Variants in KRIT1 observed in about 807,000 individuals in gnomAD.
KRIT1 encodes the protein krev interaction trapped protein 1.
Under a neutral mutation model 95.8 loss-of-function variants are expected in KRIT1, and 45 were observed. That is an observed-to-expected ratio of 0.47 (90% CI 0.37 to 0.60). KRIT1 has a LOEUF of 0.60. Ranked by LOEUF, KRIT1 falls within the 20% of genes least tolerant of loss-of-function variation. The pLI is 0.00. For synonymous variants in KRIT1, 282 were observed against 278.8 expected (o/e 1.01, Z -0.11); for missense variants, 788 against 877.5 (o/e 0.90, Z 1.29).
Position 92,213,661 on chromosome 7 carries a change from T to A in KRIT1, c.1818+231A>T, listed in dbSNP as rs1314432604. Reference sequence around the variant, plus strand: ...GATAGTATATTATTTCAAATTTTTATCTTTAGTCCTTACCACAGTATTTGG... The same window carrying A: ...GATAGTATATTATTTCAAATTTTTAACTTTAGTCCTTACCACAGTATTTGG... On this transcript the variant is annotated intron_variant, in intron 16 of 18. Transcript: ENST00000394505. Among the ~76,000 whole-genome samples, 15 of 152,260 alleles carry A rather than the reference T, an allele frequency of 9.9e-5. No individual in the cohort carries two copies. The South Asian group carries it at 3.1e-3, about 32-fold the overall frequency.
intron 1 of KRIT1, chr7:92,245,433 C>G (rs1192552515): frequency 6.6e-6 from 1 of 151,640 alleles, no homozygotes; most frequent in Non-Finnish European, 1.5e-5. Flanking sequence ...TTGCCTGGGG[C>G]AACTAGATGT....
chr7:92,242,179 A>G, intron 3 of KRIT1, 42 bp from the exon 4 acceptor site: 1 of 1,113,914 alleles, frequency 9.0e-7, no homozygotes, highest in Non-Finnish European at 1.4e-6. Context: ...AGATTAAATG[A>G]CACATTTGAT....
intron 10 of KRIT1, among the ~76,000 whole-genome samples, chr7:92,231,344 G>T (rs536478632): frequency 6.6e-6 from 1 of 152,052 alleles, no homozygotes; most frequent in East Asian, 1.9e-4. Flanking sequence ...TATAGGTATT[G>T]TTATTTTTAA....
intron 10 of KRIT1, among the ~76,000 whole-genome samples, chr7:92,232,695 T>C (rs1293928223): frequency 6.6e-6 from 1 of 152,116 alleles, no homozygotes; most frequent in Non-Finnish European, 1.5e-5. Flanking sequence ...ATGTGATTTC[T>C]TTTTTTCCTT....
chr7:92,216,376 T>TG (rs1488558880), intron 14 of KRIT1, among the ~76,000 whole-genome samples: 2 of 150,698 alleles, frequency 1.3e-5, no homozygotes, highest in East Asian at 3.9e-4. Context: ...AAAAATTTCA[T>TG]GGGGAAAAAA....
chr7:92,226,470 A>G (rs761481018), intron 11 of KRIT1, 56 bp downstream of exon 11: 1 of 1,280,982 alleles, frequency 7.8e-7, no homozygotes, highest in Non-Finnish European at 1.1e-6. Flanking sequence ...TTTTAGTGTC[A>G]TTACTTGTTA....
At chr7:92,239,763 T>G (rs1799220837) in intron 5 of KRIT1, among the ~76,000 whole-genome samples, 1 of 146,052 alleles carries the variant, frequency 6.8e-6, no homozygotes, top group African/African-American at 2.6e-5. Context: ...CAGGCTAGAG[T>G]GCAGTGGCAC....
At chr7:92,225,510 G>A (rs1487528518) in intron 12 of KRIT1, among the ~76,000 whole-genome samples, 1 of 152,060 alleles carries the variant, frequency 6.6e-6, no homozygotes, top group Non-Finnish European at 1.5e-5. Flanking sequence ...GTTTCACCAT[G>A]TCTGGATCTC....
chr7:92,241,751 G>T (rs1799700666), intron 4 of KRIT1, among the ~76,000 whole-genome samples: 1 of 152,098 alleles, frequency 6.6e-6, no homozygotes, highest in Non-Finnish European at 1.5e-5. Context: ...TTTTGCAGTG[G>T]TTTTTAATTT....
intron 17 of KRIT1, chr7:92,206,938 C>CAAAAAAAAAA: frequency 1.4e-5 from 1 of 73,984 alleles, no homozygotes; most frequent in Non-Finnish European, 3.3e-5. Context: ...CCCAGGCAGA[C>CAAAAAAAAAA]AAAAAAAAAA....
chr7:92,237,686 A>G lies in KRIT1; in HGVS notation c.336T>C (p.Ile112=). 1 of 1,601,902 alleles carries G rather than the reference A, an allele frequency of 6.2e-7. No homozygotes were observed. Among genetic ancestry groups the G allele is most frequent in the Non-Finnish European group, 8.6e-7 (1 of 1,169,084 alleles). The change falls in exon 6 of 19, where the codon ATT becomes ATC. Residue 112 remains isoleucine, a synonymous_variant. Coordinates refer to ENST00000394505, the MANE Select transcript of KRIT1 (RefSeq NM_194454.3). ...CTTTACCTTTGACAACTGATGGAAC[A>G]ATAAATAATGATGCTTCTCTGCCCA... is the stretch of plus-strand genomic sequence containing the variant. The part of the protein sequence containing the change: ...EKMGREASLF[I]VPSVVKDNTK...
chr7:92,227,333 G>A (rs1423324955), intron 10 of KRIT1, among the ~76,000 whole-genome samples: 3 of 152,170 alleles, frequency 2.0e-5, no homozygotes, highest in African/African-American at 7.2e-5. Flanking sequence ...GGGAGGCAGA[G>A]GCAGGCGGAT....
At chr7:92,221,757 A>ATACT (rs755352918) in intron 14 of KRIT1, 145 bp downstream of exon 14, 1 of 684,114 alleles carries the variant, frequency 1.5e-6, no homozygotes, top group Non-Finnish European at 2.5e-6. Flanking sequence ...CTTTGTAAGT[A>ATACT]GATCAACTGA....
chr7:92,202,361 A>T (rs1348323567), intron 17 of KRIT1: 1 of 152,244 alleles, frequency 6.6e-6, no homozygotes, highest in Non-Finnish European at 1.5e-5. Flanking sequence ...ATAAAGCAGT[A>T]TTAATGATTC....
At chr7:92,219,165 T>C (rs1171895983) in intron 14 of KRIT1, among the ~76,000 whole-genome samples, 1 of 152,144 alleles carries the variant, frequency 6.6e-6, no homozygotes, top group African/African-American at 2.4e-5. Context: ...CATGGCTGGC[T>C]AATTTTTTGT....
intron 3 of KRIT1, 105 bp from the exon 4 acceptor site, chr7:92,242,242 T>A (rs1475690109): frequency 2.7e-6 from 2 of 734,456 alleles, no homozygotes; most frequent in African/African-American, 1.8e-5. Context: ...TATTTCCACA[T>A]AATCATGTCG....
intron 7 of KRIT1, chr7:92,235,991 T>C (rs1798372554): frequency 4.0e-6 from 1 of 251,596 alleles, no homozygotes; most frequent in Admixed American, 5.1e-5. Flanking sequence ...TATGTGCCAT[T>C]ATAGTAATAA....
intron 10 of KRIT1, among the ~76,000 whole-genome samples, chr7:92,226,886 A>G (rs1796311928): frequency 6.6e-6 from 1 of 152,260 alleles, no homozygotes; most frequent in Non-Finnish European, 1.5e-5. Flanking sequence ...TTCTGGTTCA[A>G]TTAAACTGTT....
intron 14 of KRIT1, 152 bp from the exon 15 acceptor site, chr7:92,214,929 C>A: frequency 1.6e-6 from 1 of 638,872 alleles, no homozygotes; most frequent in South Asian, 1.9e-5. Context: ...TTATTAAGGC[C>A]CAGAGAGTAG....
Sources: gnomAD v4.1 joint callset for allele counts (sites outside exome capture counted in the v4.1 genomes callset) on GRCh38, gnomAD v4.1.1 for gene constraint, MANE v1.5 for transcripts, NCBI Gene and HGNC (gene_info 2026-07-23, HGNC 2026-07-21) for gene names.